TMEM123: variants seen among roughly 807,000 people sequenced by gnomAD.
TMEM123 encodes the protein transmembrane protein 123.
TMEM123 carries 16 observed loss-of-function variants against 19.7 expected under a neutral mutation model. The observed-to-expected ratio is 0.81, with a 90% confidence interval of 0.55 to 1.23. The LOEUF is 1.23. TMEM123 is among the 50% of genes most tolerant of loss of function. The pLI, the probability that TMEM123 is intolerant of heterozygous loss-of-function variation, is 0.00. For synonymous variants in TMEM123, 118 were observed against 99.4 expected, an observed-to-expected ratio of 1.19 and a Z score of -1.12; for missense variants, 313 against 257.8, an observed-to-expected ratio of 1.21 and a Z score of -1.47.
chr11:102,444,541 C>T (rs868470840), intron 2 of TMEM123, among the ~76,000 whole-genome samples: 7 of 112,460 alleles, frequency 6.2e-5, no homozygotes, highest in Non-Finnish European at 1.0e-4. Context: ...CAGGGCCTGT[C>T]GTGGGTGGGG....
intron 2 of TMEM123, among the ~76,000 whole-genome samples, chr11:102,411,939 T>G (rs981046470): frequency 5.6e-4 from 85 of 152,148 alleles, no homozygotes; most frequent in Non-Finnish European, 1.0e-4. Context: ...AAGGCCCCAG[T>G]TGCCCTCTGC....
In TMEM123 at chr11:102,448,868, G is replaced by A. The variant is rs771402896; in HGVS notation, c.101C>T (p.Ala34Val). Residue 34 changes from alanine (A) to valine (V), a missense_variant and splice_region_variant, in exon 2 of 5, where the codon GCA becomes GTA. By Grantham distance (64) the Ala-to-Val change is moderately conservative. Transcript: ENST00000398136. Reference protein sequence around the residue: ...GAAHESAAMAASANIENSGLP... With the variant: ...GAAHESAAMAVSANIENSGLP... ...CCCAGAATTCTCTATGTTTGCAGAT[G>A]CTGTAAAAATAAAGAAATATCCTGT... The A allele has an allele frequency of 2.5e-6, 4 of 1,613,300 alleles. No homozygotes were observed. The highest frequency in any genetic ancestry group is 3.4e-6 in the Non-Finnish European group (4 of 1,179,410).
intron 2 of TMEM123, among the ~76,000 whole-genome samples, chr11:102,445,462 T>C (rs1019443512): frequency 6.6e-6 from 1 of 152,236 alleles, no homozygotes; most frequent in Non-Finnish European, 1.5e-5. Context: ...GGCCAATTGG[T>C]TCCTGTCTTT....
chr11:102,402,313 T>C, intron 2 of TMEM123, 107 bp from the exon 3 acceptor site: 2 of 1,155,586 alleles, frequency 1.7e-6, no homozygotes, highest in Non-Finnish European at 2.4e-6. Context: ...ATCTTACAAA[T>C]ACAGCAGCAT....
intron 2 of TMEM123, among the ~76,000 whole-genome samples, chr11:102,443,005 G>C (rs1018291858): frequency 3.9e-5 from 6 of 152,140 alleles, no homozygotes; most frequent in East Asian, 1.9e-4. Context: ...TGAAGGAACT[G>C]TTCAAGGAGA....
intron 4 of TMEM123, among the ~76,000 whole-genome samples, chr11:102,400,418 A>G (rs1951901843): frequency 6.6e-6 from 1 of 152,248 alleles, no homozygotes; most frequent in Non-Finnish European, 1.5e-5. Context: ...GTCTTAGTTT[A>G]CTTTAGTCAA....
chr11:102,441,922 C>T lies in TMEM123; in HGVS notation c.157+6890G>A, dbSNP rs1312517526. Among the ~76,000 whole-genome samples, 19 of 152,278 alleles carry T rather than the reference C, an allele frequency of 1.2e-4. No homozygotes were observed. The East Asian group carries it at 3.1e-3, about 25-fold the overall frequency. On this transcript the variant is annotated intron_variant, in intron 2 of 4. Coordinates refer to ENST00000398136, the MANE Select transcript of TMEM123 (RefSeq NM_052932.3). ...CTACCATCAGAGAATACTATAAACACCTCTACGCAAATAAACTAGAAAATC... is the reference window on the plus strand; with the variant it reads ...CTACCATCAGAGAATACTATAAACATCTCTACGCAAATAAACTAGAAAATC...
intron 2 of TMEM123, among the ~76,000 whole-genome samples, chr11:102,438,877 A>G (rs1331875573): frequency 6.6e-6 from 1 of 152,152 alleles, no homozygotes; most frequent in Non-Finnish European, 1.5e-5. Flanking sequence ...GAAAATCGGG[A>G]CACTCCCACC....
At chr11:102,402,734 A>G (rs1036648124) in intron 2 of TMEM123, among the ~76,000 whole-genome samples, 13 of 152,262 alleles carry the variant, frequency 8.5e-5, no homozygotes, top group African/African-American at 3.1e-4. Context: ...AGTAAAGCCA[A>G]CTTCCCACTA....
At chr11:102,449,316 TA>T (rs1465510149) in intron 1 of TMEM123, 2 of 153,336 alleles carry the variant, frequency 1.3e-5, no homozygotes, top group African/African-American at 4.8e-5. Context: ...AATGGAGGGA[TA>T]AAATAGGATT....
At chr11:102,406,855 A>C (rs1002388266) in intron 2 of TMEM123, among the ~76,000 whole-genome samples, 1 of 147,284 alleles carries the variant, frequency 6.8e-6, no homozygotes, top group African/African-American at 2.5e-5. Flanking sequence ...TGGGCAACAG[A>C]GCGAGGCTCC....
chr11:102,427,855 T>A (rs1268434054), intron 2 of TMEM123, among the ~76,000 whole-genome samples: 3 of 151,160 alleles, frequency 2.0e-5, no homozygotes, highest in Admixed American at 6.6e-5. Context: ...AAAAAAAAAA[T>A]TCTACAGAAA....
chr11:102,403,370 T>A (rs898970879), intron 2 of TMEM123, among the ~76,000 whole-genome samples: 7 of 152,226 alleles, frequency 4.6e-5, no homozygotes, highest in African/African-American at 1.7e-4. Flanking sequence ...TTTCCTTCTT[T>A]TTGCATAAAA....
At chr11:102,414,187 AAT>A (rs1258406361) in intron 2 of TMEM123, among the ~76,000 whole-genome samples, 1 of 152,182 alleles carries the variant, frequency 6.6e-6, no homozygotes, top group Non-Finnish European at 1.5e-5. Context: ...ACTTCCTAGA[AAT>A]ATGGGATTAT....
chr11:102,396,794 C>T lies in TMEM123; in HGVS notation c.*2073G>A, dbSNP rs1226659065. The T allele has an allele frequency of 6.6e-6, 1 of 152,166 alleles. No homozygotes were observed. The highest frequency in any genetic ancestry group is 6.5e-5 in the Admixed American group (1 of 15,280). 9.4% of individuals were successfully genotyped at this position (152,166 alleles called of 1,614,324 possible). A position where few individuals can be genotyped will look rare whatever the true frequency, so the allele number is the denominator to read the frequency against. On this transcript the variant is annotated 3_prime_UTR_variant, in exon 5 of 5. Coordinates refer to ENST00000398136, the MANE Select transcript of TMEM123 (RefSeq NM_052932.3). ...AGAAAAAGACATAACTAAACTACTT[C>T]AAACCCAATGCAGAGGAAACTTTCA...
At chr11:102,420,253 T>G (rs539020523) in intron 2 of TMEM123, among the ~76,000 whole-genome samples, 1 of 152,276 alleles carries the variant, frequency 6.6e-6, no homozygotes, top group Non-Finnish European at 1.5e-5. Context: ...GAAAGCATCA[T>G]TGTTAATGTT....
chr11:102,415,345 T>C (rs763970813), intron 2 of TMEM123, among the ~76,000 whole-genome samples: 1 of 152,144 alleles, frequency 6.6e-6, no homozygotes, highest in Admixed American at 6.6e-5. Flanking sequence ...CTAACAGATA[T>C]CTACAGAGCA....
chr11:102,399,850 A>T (rs1951895242), intron 4 of TMEM123, among the ~76,000 whole-genome samples: 2 of 151,994 alleles, frequency 1.3e-5, no homozygotes, highest in Non-Finnish European at 2.9e-5. Context: ...GGCACCTATA[A>T]TCCCAGCTAC....
intron 2 of TMEM123, among the ~76,000 whole-genome samples, chr11:102,431,266 T>C (rs1857706672): frequency 6.6e-6 from 1 of 152,242 alleles, no homozygotes; most frequent in Admixed American, 6.5e-5. Context: ...CTCACATACT[T>C]ATCTTTGTAA....
Sources: gnomAD v4.1 joint callset for allele counts (sites outside exome capture counted in the v4.1 genomes callset) on GRCh38, gnomAD v4.1.1 for gene constraint, MANE v1.5 for transcripts, NCBI Gene and HGNC (gene_info 2026-07-23, HGNC 2026-07-21) for gene names.